Variants in CENPC observed in about 807,000 individuals in gnomAD.
CENPC encodes the protein centromere protein C.
CENPC carries 63 observed loss-of-function variants against 112.1 expected under a neutral mutation model. That is an observed-to-expected ratio of 0.56 (90% confidence interval 0.46 to 0.69). The LOEUF (loss-of-function observed/expected upper bound fraction) is 0.69, where lower values mean the gene tolerates loss of function less well. Among genes scored for constraint, CENPC ranks in the 30% least tolerant of loss-of-function variants. The pLI is 0.00. For synonymous variants in CENPC, 333 were observed against 367.6 expected, an observed-to-expected ratio of 0.91 and a Z score of 1.08; for missense variants, 1,000 against 1,103.8, an observed-to-expected ratio of 0.91 and a Z score of 1.33.
At chr4:67,541,580 C>T (rs908660612) in intron 2 of CENPC, among the ~76,000 whole-genome samples, 1 of 152,120 alleles carries the variant, frequency 6.6e-6, no homozygotes, top group Non-Finnish European at 1.5e-5. Context: ...CCTAGTTCTC[C>T]TCAGTGCTAA....
chr4:67,536,742 TATAAAA>T (rs1726730019), intron 4 of CENPC, among the ~76,000 whole-genome samples: 1 of 148,612 alleles, frequency 6.7e-6, no homozygotes, highest in African/African-American at 2.5e-5. Flanking sequence ...AAATTAATAA[TATAAAA>T]ATAAAAATAA....
At position 67,545,462 on chromosome 4, in the gene CENPC, C is replaced by T; in HGVS notation, c.-107G>A. On this transcript the variant is annotated 5_prime_UTR_variant, in exon 1 of 19. Coordinates refer to ENST00000273853, the MANE Select transcript of CENPC (RefSeq NM_001812.4). Reference sequence around the variant, plus strand: ...GAATCGCCGGAATACCAGGCCGCGGCCAAGCAATAACCTTAAGTCTCAGGC... The same window carrying T: ...GAATCGCCGGAATACCAGGCCGCGGTCAAGCAATAACCTTAAGTCTCAGGC... 2 of 1,241,088 alleles carry T rather than the reference C, an allele frequency of 1.6e-6. No individual in the cohort carries two copies. Among genetic ancestry groups the T allele is most frequent in the South Asian group, 1.6e-5 (1 of 63,332 alleles). 76.9% of individuals were successfully genotyped at this position (1,241,088 alleles called of 1,614,324 possible). A position where few individuals can be genotyped will look rare whatever the true frequency, so the allele number is the denominator to read the frequency against.
Position 67,519,761 on chromosome 4 carries a change from T to C in CENPC, c.332-259A>G, listed in dbSNP as rs551251507. ...ACATGGAATATAGATATAACAGATA[T>C]AGAGAGATACAACATAAGCATGTGT... On this transcript the variant is annotated intron_variant, in intron 5 of 18. Coordinates refer to ENST00000273853, the MANE Select transcript of CENPC (RefSeq NM_001812.4). Among the ~76,000 whole-genome samples the C allele has an allele frequency of 2.6e-5, 4 of 152,234 alleles. No homozygotes were observed. The South Asian group carries it at 6.2e-4, about 24-fold the overall frequency.
rs146108410 is a variant in CENPC at position 67,518,894 on chromosome 4, C to T, written c.617+323G>A. ...TTATGCTCTGCTACCCTTGAAGTGACCTGATACACATCTACACTTGCAATT... is the reference window on the plus strand; with the variant it reads ...TTATGCTCTGCTACCCTTGAAGTGATCTGATACACATCTACACTTGCAATT... On this transcript the variant is annotated intron_variant, in intron 6 of 18. Transcript: ENST00000273853. 4.7e-3 allele frequency among the ~76,000 whole-genome samples: 716 copies of T among 152,086 alleles called. 8 individuals are homozygous for T. The highest frequency in any genetic ancestry group is 0.016 in the African/African-American group (647 of 41,484).
chr4:67,514,771 A>G (rs1348103577), intron 7 of CENPC, 84 bp from the exon 8 acceptor site: 35 of 1,349,170 alleles, frequency 2.6e-5, no homozygotes, highest in Non-Finnish European at 3.4e-5. Context: ...AGGAAATAAA[A>G]TCTAAATTTC....
intron 18 of CENPC, among the ~76,000 whole-genome samples, chr4:67,474,482 C>T (rs1453519015): frequency 6.6e-6 from 1 of 152,070 alleles, no homozygotes; most frequent in Non-Finnish European, 1.5e-5. Context: ...GTGGGCAGAT[C>T]ACTTGAGGTC....
intron 5 of CENPC, among the ~76,000 whole-genome samples, chr4:67,529,315 G>GATTT (rs546410899): frequency 8.9e-4 from 136 of 151,970 alleles, no homozygotes; most frequent in African/African-American, 2.0e-3. Flanking sequence ...GTGTCCTTCA[G>GATTT]ATTTATTTAT....
intron 16 of CENPC, among the ~76,000 whole-genome samples, chr4:67,491,480 TAGAGAGAGAGAGAG>T (rs71219046): frequency 9.9e-4 from 18 of 18,092 alleles, no homozygotes; most frequent in East Asian, 6.2e-3. Flanking sequence ...TATATATATA[TAGAGAGAGAGAGAG>T]AGAGAGAGAG....
At chr4:67,480,453 C>T (rs1267546685) in intron 17 of CENPC, among the ~76,000 whole-genome samples, 2 of 150,504 alleles carry the variant, frequency 1.3e-5, no homozygotes, top group South Asian at 2.1e-4. Context: ...TTAGATTAAA[C>T]CAAGAAGAAA....
intron 10 of CENPC, among the ~76,000 whole-genome samples, chr4:67,507,158 G>A (rs1001556291): frequency 2.6e-5 from 4 of 152,104 alleles, no homozygotes; most frequent in Admixed American, 6.6e-5. Flanking sequence ...AAATGGAGAA[G>A]ACACCTGCCA....
chr4:67,489,819 A>G lies in CENPC; in HGVS notation c.2670+148T>C, dbSNP rs1211383637. On this transcript the variant is annotated intron_variant, in intron 17 of 18. Coordinates refer to ENST00000273853, the MANE Select transcript of CENPC (RefSeq NM_001812.4). ...AAATAACTGTTGGCTGGTTGACTCTAAACAGATTTAACAAATAAAAACCTT... is the reference window on the plus strand; with the variant it reads ...AAATAACTGTTGGCTGGTTGACTCTGAACAGATTTAACAAATAAAAACCTT... 3 of 624,328 alleles carry G rather than the reference A, an allele frequency of 4.8e-6. No homozygotes were observed. In the African/African-American group the frequency reaches 5.6e-5, roughly 12 times the overall value. 38.7% of individuals were successfully genotyped at this position (624,328 alleles called of 1,614,324 possible). A position where few individuals can be genotyped will look rare whatever the true frequency, so the allele number is the denominator to read the frequency against.
Position 67,508,888 on chromosome 4 carries a change from G to A in CENPC, c.1830C>T (p.Ser610=). The A allele has an allele frequency of 3.1e-6, 5 of 1,613,596 alleles. No homozygotes were observed. The highest frequency in any genetic ancestry group is 4.2e-6 in the Non-Finnish European group (5 of 1,179,740). ...SGGIVGHDEI[S]RCSLSEPLES... is the part of the protein sequence containing the mutation. ...CCAATGGCTCACTCAGCGAACATCT[G>A]GAAATTTCATCATGACCAACGATAC... The change falls in exon 10 of 19, where the codon TCC becomes TCT. Residue 610 remains serine (S), a synonymous_variant. Coordinates refer to ENST00000273853, the MANE Select transcript of CENPC (RefSeq NM_001812.4).
chr4:67,521,440 T>G (rs1460887554), intron 5 of CENPC, among the ~76,000 whole-genome samples: 1 of 152,174 alleles, frequency 6.6e-6, no homozygotes, highest in Non-Finnish European at 1.5e-5. Context: ...ATTTTAAATT[T>G]TCCTAATAAC....
At chr4:67,508,729 T>C in intron 10 of CENPC, 85 bp downstream of exon 10, 2 of 1,251,760 alleles carry the variant, frequency 1.6e-6, no homozygotes, top group Non-Finnish European at 1.1e-6. Context: ...TGCTAATTAC[T>C]GCCTGTCCAT....
chr4:67,522,140 A>G (rs1239332567), intron 5 of CENPC, among the ~76,000 whole-genome samples: 2 of 152,250 alleles, frequency 1.3e-5, no homozygotes, highest in Admixed American at 6.5e-5. Context: ...AAAGGAAGTG[A>G]CGTGTGTATA....
intron 16 of CENPC, among the ~76,000 whole-genome samples, chr4:67,491,801 G>A (rs914959653): frequency 6.6e-6 from 1 of 152,022 alleles, no homozygotes; most frequent in African/African-American, 2.4e-5. Flanking sequence ...CACAATCCCT[G>A]CCTGGCTTCA....
chr4:67,511,112 C>T (rs1725881954), intron 9 of CENPC: 4 of 451,580 alleles, frequency 8.9e-6, no homozygotes, highest in Non-Finnish European at 1.8e-5. Context: ...ATGCTAATTG[C>T]ATTTAAACCT....
In CENPC at chr4:67,489,966, C is replaced by T; in HGVS notation, c.2670+1G>A. On this transcript the variant is annotated splice_donor_variant, in intron 17 of 18. Transcript: ENST00000273853. LOFTEE classifies it high-confidence loss of function. ...CATAAATATATAAAAAAAGTACTCA[C>T]CAATATATCCTGGCCAACATGCTGC... 1 of 1,551,372 alleles carries T rather than the reference C, an allele frequency of 6.4e-7. No homozygotes were observed. The highest frequency in any genetic ancestry group is 8.7e-7 in the Non-Finnish European group (1 of 1,151,498).
chr4:67,492,620 A>T (rs1436466535), intron 15 of CENPC: 7 of 523,330 alleles, frequency 1.3e-5, no homozygotes, highest in African/African-American at 1.2e-4. Context: ...TGGGCATAGG[A>T]ATGGTGGGTT....
Sources: gnomAD v4.1 joint callset for allele counts (sites outside exome capture counted in the v4.1 genomes callset) on GRCh38, gnomAD v4.1.1 for gene constraint, MANE v1.5 for transcripts, NCBI Gene and HGNC (gene_info 2026-07-23, HGNC 2026-07-21) for gene names.